ARHGAP42: variants seen among roughly 807,000 people sequenced by gnomAD.
ARHGAP42 encodes rho GTPase-activating protein 42.
Under a neutral mutation model 125.0 loss-of-function variants are expected in ARHGAP42, and 63 were observed. That is an observed-to-expected ratio of 0.50 (90% confidence interval 0.41 to 0.62). The LOEUF is 0.62. ARHGAP42 is among the 20% of genes least tolerant of loss of function. The pLI is 0.00. For synonymous variants in ARHGAP42, 339 were observed against 351.0 expected, an observed-to-expected ratio of 0.97 and a Z score of 0.38; for missense variants, 766 against 1,024.2, an observed-to-expected ratio of 0.75 and a Z score of 3.44.
chr11:100,853,139 G>A (rs1865244028), intron 3 of ARHGAP42, among the ~76,000 whole-genome samples: 5 of 152,116 alleles, frequency 3.3e-5, no homozygotes. Context: ...AATCAAAAAA[G>A]TATTTTTTTA....
At chr11:100,723,036 G>A (rs1861792532) in intron 1 of ARHGAP42, among the ~76,000 whole-genome samples, 1 of 152,112 alleles carries the variant, frequency 6.6e-6, no homozygotes, top group African/African-American at 2.4e-5. Flanking sequence ...TGTTGTTCCA[G>A]CATCATTTGT....
rs115570225 is a variant in ARHGAP42, at chr11:100,741,500, G to A, written c.155-28843G>A. ...GTTAGTACCTGTCTGCTGTGTTACC[G>A]ACCCTTGCACATTCCCTGCCTTGCC... On this transcript the variant is annotated intron_variant, in intron 1 of 23. Coordinates refer to ENST00000298815, the MANE Select transcript of ARHGAP42 (RefSeq NM_152432.4). 2.5e-3 allele frequency among the ~76,000 whole-genome samples: 388 copies of A among 152,290 alleles called. 1 individual carries two copies. The highest frequency in any genetic ancestry group is 9.0e-3 in the African/African-American group (374 of 41,562).
intron 6 of ARHGAP42, among the ~76,000 whole-genome samples, chr11:100,932,201 C>A (rs988535957): frequency 1.3e-5 from 2 of 152,148 alleles, no homozygotes; most frequent in African/African-American, 4.8e-5. Context: ...TCCCTACCTA[C>A]CCAGACAGAG....
At position 100,988,695 on chromosome 11, in the gene ARHGAP42, A is replaced by G; in HGVS notation, c.2537-18A>G. On this transcript the variant is annotated intron_variant, in intron 23 of 23. Transcript: ENST00000298815. ...CACTAATGTTGACTGAGTGCTATTT[A>G]TTTATTTATTTTGCCAGTGTACCCA... The G allele has an allele frequency of 6.5e-7, 1 of 1,535,750 alleles. No homozygotes were observed. The highest frequency in any genetic ancestry group is 8.8e-7 in the Non-Finnish European group (1 of 1,133,996).
At position 100,990,575 on chromosome 11, in the gene ARHGAP42, CT is replaced by C. The variant is rs1226089971; in HGVS notation, c.*1779del. ...ATGTAAACGTTTGATAAAAGAGTAT[CT>C]TTTTCTTTTATCTCTTACTGTTGAC... On this transcript the variant is annotated 3_prime_UTR_variant, in exon 24 of 24. Transcript: ENST00000298815. 2 of 152,220 alleles carry C rather than the reference CT, an allele frequency of 1.3e-5. No homozygotes were observed. Among genetic ancestry groups the C allele is most frequent in the African/African-American group, 4.8e-5 (2 of 41,416 alleles). The allele number at this position is 152,220 out of a possible 1,614,324, so 9.4% of individuals were successfully genotyped here.
At chr11:100,818,303 T>C (rs1164650017) in intron 3 of ARHGAP42, among the ~76,000 whole-genome samples, 7 of 151,834 alleles carry the variant, frequency 4.6e-5, no homozygotes, top group Admixed American at 1.3e-4. Context: ...ATAGATACGA[T>C]TGACAAATGT....
chr11:100,831,886 G>C (rs1182035414), intron 3 of ARHGAP42, among the ~76,000 whole-genome samples: 1 of 152,186 alleles, frequency 6.6e-6, no homozygotes, highest in Non-Finnish European at 1.5e-5. Flanking sequence ...AAGCTAACGG[G>C]GCAAGGTGAG....
chr11:100,888,069 A>C (rs1866135693), intron 4 of ARHGAP42, among the ~76,000 whole-genome samples: 1 of 152,188 alleles, frequency 6.6e-6, no homozygotes, highest in Non-Finnish European at 1.5e-5. Context: ...TCATTATTTA[A>C]AAGGCTGTTT....
chr11:100,717,923 T>TGAAAA (rs58895541), intron 1 of ARHGAP42, among the ~76,000 whole-genome samples: 1 of 140,906 alleles, frequency 7.1e-6, no homozygotes. Context: ...GACTCTGCCT[T>TGAAAA]AAAAAAAAAA....
intron 1 of ARHGAP42, among the ~76,000 whole-genome samples, chr11:100,741,702 C>T (rs754184391): frequency 5.3e-5 from 8 of 152,208 alleles, no homozygotes; most frequent in Non-Finnish European, 1.0e-4. Context: ...AAGCAGATTT[C>T]TCTGTGTGGG....
At chr11:100,889,809 A>T (rs1386316738) in intron 4 of ARHGAP42, among the ~76,000 whole-genome samples, 1 of 152,138 alleles carries the variant, frequency 6.6e-6, no homozygotes, top group Non-Finnish European at 1.5e-5. Context: ...TTGTTCACTC[A>T]TGGGCTCGTG....
intron 4 of ARHGAP42, among the ~76,000 whole-genome samples, chr11:100,897,455 A>T (rs1208592350): frequency 1.3e-5 from 2 of 152,070 alleles, no homozygotes; most frequent in Admixed American, 1.3e-4. Flanking sequence ...CACGATATTG[A>T]TTCTTCCTAT....
chr11:100,954,836 T>A (rs1000676502), intron 12 of ARHGAP42, among the ~76,000 whole-genome samples: 5 of 152,196 alleles, frequency 3.3e-5, no homozygotes, highest in Non-Finnish European at 7.3e-5. Flanking sequence ...GTAGGTATCA[T>A]GAACACTGAT....
chr11:100,941,460 C>T (rs955356896), intron 8 of ARHGAP42, among the ~76,000 whole-genome samples: 4 of 152,230 alleles, frequency 2.6e-5, no homozygotes, highest in African/African-American at 4.8e-5. Context: ...TTAAACAACT[C>T]GGACTCATTC....
At chr11:100,963,201 T>A (rs77405231) in intron 16 of ARHGAP42, among the ~76,000 whole-genome samples, 14,065 of 152,288 alleles carry the variant, frequency 0.092, 942 homozygotes, top group Non-Finnish European at 0.13. Flanking sequence ...GGTGCTTCCA[T>A]CAATCCCCTC....
rs57899188 is a variant in ARHGAP42 at position 100,725,934 on chromosome 11, C to CAAAAAAAA, written c.154+38112_154+38119dup. Among the ~76,000 whole-genome samples, 28 of 99,248 alleles carry CAAAAAAAA rather than the reference C, an allele frequency of 2.8e-4. 1 individual carries two copies. The highest frequency in any genetic ancestry group is 2.5e-3 in the East Asian group (8 of 3,138). The allele number at this position is 99,248 out of a possible 152,430, so 65.1% of individuals were successfully genotyped here. On this transcript the variant is annotated intron_variant, in intron 1 of 23. Coordinates refer to ENST00000298815, the MANE Select transcript of ARHGAP42 (RefSeq NM_152432.4). ...TGGGGGACAGAGTGAGACTCCGTCT[C>CAAAAAAAA]AAAAAAAAAAAAAAAAAGCCAGGCA...
intron 1 of ARHGAP42, among the ~76,000 whole-genome samples, chr11:100,707,633 G>C (rs550659686): frequency 6.6e-6 from 1 of 152,188 alleles, no homozygotes; most frequent in Admixed American, 6.5e-5. Flanking sequence ...ACAGTGTTGA[G>C]CAAGGACGAA....
chr11:100,787,633 C>A (rs1430851842), intron 2 of ARHGAP42, among the ~76,000 whole-genome samples: 1 of 152,104 alleles, frequency 6.6e-6, no homozygotes, highest in Non-Finnish European at 1.5e-5. Context: ...CATTGATAGA[C>A]AAGATTAAAG....
At chr11:100,727,232 T>C (rs1861877764) in intron 1 of ARHGAP42, among the ~76,000 whole-genome samples, 1 of 152,234 alleles carries the variant, frequency 6.6e-6, no homozygotes, top group East Asian at 1.9e-4. Context: ...TGCAAATAAA[T>C]GCTAAAATAT....
Sources: gnomAD v4.1 joint callset for allele counts (sites outside exome capture counted in the v4.1 genomes callset) on GRCh38, gnomAD v4.1.1 for gene constraint, MANE v1.5 for transcripts, NCBI Gene and HGNC (gene_info 2026-07-23, HGNC 2026-07-21) for gene names.